PPARG: variants seen among roughly 807,000 people sequenced by gnomAD.
The protein encoded by PPARG is peroxisome proliferator activated receptor gamma.
A neutral mutation model predicts 39.2 loss-of-function variants in PPARG; 17 were observed. The observed-to-expected ratio is 0.43, with a 90% CI of 0.30 to 0.65. PPARG has a LOEUF of 0.65. Among genes scored for constraint, PPARG ranks in the 30% least tolerant of loss-of-function variants. PPARG has a pLI of 0.13. For missense variants in PPARG, 406 were observed against 585.9 expected (o/e 0.69, Z 3.17); for synonymous variants, 223 against 215.7 (o/e 1.03, Z -0.30).
At chr3:12,346,890 C>A (rs1353135572) in intron 2 of PPARG, among the ~76,000 whole-genome samples, 2 of 151,990 alleles carry the variant, frequency 1.3e-5, no homozygotes, top group Non-Finnish European at 2.9e-5. Context: ...CTTGCCTTAG[C>A]CACCCAAAGT....
chr3:12,306,436 G>C (rs924598981), intron 1 of PPARG, among the ~76,000 whole-genome samples: 2 of 152,102 alleles, frequency 1.3e-5, no homozygotes, highest in African/African-American at 4.8e-5. Flanking sequence ...GAAGAAACAG[G>C]AACAGAGAGG....
intron 2 of PPARG, among the ~76,000 whole-genome samples, chr3:12,371,407 C>T (rs1275812708): frequency 1.3e-5 from 2 of 152,180 alleles, no homozygotes; most frequent in African/African-American, 4.8e-5. Context: ...ATAATGCTTA[C>T]TTTATTAGAC....
intron 4 of PPARG, among the ~76,000 whole-genome samples, chr3:12,390,466 A>G (rs2050030527): frequency 6.6e-6 from 1 of 152,116 alleles, no homozygotes; most frequent in Non-Finnish European, 1.5e-5. Flanking sequence ...TGAGTAAATC[A>G]TAGTCTTTCA....
At chr3:12,421,057 C>G (rs1475183854) in intron 7 of PPARG, among the ~76,000 whole-genome samples, 1 of 152,174 alleles carries the variant, frequency 6.6e-6, no homozygotes, top group East Asian at 1.9e-4. Context: ...GCTTTTAATT[C>G]TCATTTCACA....
chr3:12,314,617 G>A (rs1195284651), intron 2 of PPARG, among the ~76,000 whole-genome samples: 1 of 152,092 alleles, frequency 6.6e-6, no homozygotes, highest in Non-Finnish European at 1.5e-5. Context: ...GACCCTCGCC[G>A]TTCAACAGTG....
intron 2 of PPARG, among the ~76,000 whole-genome samples, chr3:12,349,240 G>A (rs1193855510): frequency 6.6e-6 from 1 of 152,114 alleles, no homozygotes; most frequent in African/African-American, 2.4e-5. Context: ...TGAATGATGG[G>A]ATGAATAAAT....
chr3:12,430,206 G>T (rs1559538976), intron 7 of PPARG, among the ~76,000 whole-genome samples: 1 of 152,200 alleles, frequency 6.6e-6, no homozygotes, highest in African/African-American at 2.4e-5. Context: ...CTTCTTCATT[G>T]TGTAGGGATT....
In PPARG at chr3:12,292,855, C is replaced by T. The variant is rs191089935; in HGVS notation, c.-83+3721C>T. 1.4e-3 allele frequency among the ~76,000 whole-genome samples: 208 copies of T among 152,284 alleles called. 5 individuals carry two copies. In the East Asian group the frequency reaches 0.037, roughly 27 times the overall value. ...TGTTGGAGAGGACTTCTCCCACCTTCTCTGGGCCCCAAACTGCACACTGGA... is the reference window on the plus strand; with the variant it reads ...TGTTGGAGAGGACTTCTCCCACCTTTTCTGGGCCCCAAACTGCACACTGGA... On this transcript the variant is annotated intron_variant, in intron 1 of 7. Transcript: ENST00000651735.
chr3:12,296,749 T>C (rs1187897009), intron 1 of PPARG, among the ~76,000 whole-genome samples: 2 of 152,140 alleles, frequency 1.3e-5, no homozygotes, highest in Non-Finnish European at 2.9e-5. Flanking sequence ...GAATCCCTAG[T>C]CTCCGCGTCA....
Position 12,295,266 on chromosome 3 carries a change from G to A in PPARG, c.-83+6132G>A, listed in dbSNP as rs541793809. Reference sequence around the variant, plus strand: ...TATATAAATTCTTCTGTTTTATATGGTGGATAAAGTTTATAAAGGAGAACA... The same window carrying A: ...TATATAAATTCTTCTGTTTTATATGATGGATAAAGTTTATAAAGGAGAACA... On this transcript the variant is annotated intron_variant, in intron 1 of 7. Coordinates refer to ENST00000651735, the MANE Select transcript of PPARG (RefSeq NM_138711.6). Among the ~76,000 whole-genome samples the A allele has an allele frequency of 2.8e-3, 432 of 152,242 alleles. 2 individuals carry two copies. Among genetic ancestry groups the A allele is most frequent in the African/African-American group, 9.6e-3 (399 of 41,518 alleles).
chr3:12,384,010 G>A (rs1368597757), intron 4 of PPARG, among the ~76,000 whole-genome samples: 2 of 152,056 alleles, frequency 1.3e-5, no homozygotes, highest in Non-Finnish European at 2.9e-5. Context: ...TAAGCGTATT[G>A]TATACTAACC....
At chr3:12,330,327 G>C (rs1389625219) in intron 2 of PPARG, among the ~76,000 whole-genome samples, 3 of 133,326 alleles carry the variant, frequency 2.3e-5, no homozygotes, top group Non-Finnish European at 4.8e-5. Context: ...AAAAAAAGCT[G>C]TCCTATTAGG....
intron 1 of PPARG, among the ~76,000 whole-genome samples, chr3:12,298,261 T>C (rs1272194070): frequency 8.8e-6 from 1 of 113,144 alleles, no homozygotes; most frequent in African/African-American, 3.6e-5. Flanking sequence ...ATCCCGCCAC[T>C]GCACTCCAGC....
chr3:12,391,136 TATTA>T, intron 4 of PPARG, among the ~76,000 whole-genome samples: 1 of 152,350 alleles, frequency 6.6e-6, no homozygotes, highest in South Asian at 2.1e-4. Context: ...GTGACATCTG[TATTA>T]ATTCCACAAA....
chr3:12,406,389 C>G, intron 6 of PPARG: 1 of 387,106 alleles, frequency 2.6e-6, no homozygotes. Flanking sequence ...TAGGATCCAT[C>G]TCCTTTCTCG....
At chr3:12,374,614 A>G (rs774553157) in intron 2 of PPARG, among the ~76,000 whole-genome samples, 1 of 152,122 alleles carries the variant, frequency 6.6e-6, no homozygotes, top group Non-Finnish European at 1.5e-5. Context: ...AAAACAAAAC[A>G]AAACAAAAAT....
chr3:12,400,174 T>G (rs2050422914), intron 5 of PPARG, among the ~76,000 whole-genome samples: 1 of 152,176 alleles, frequency 6.6e-6, no homozygotes, highest in Admixed American at 6.5e-5. Flanking sequence ...AAAATAAGAC[T>G]TGTCTTATTT....
At chr3:12,358,752 C>T (rs2048744033) in intron 2 of PPARG, among the ~76,000 whole-genome samples, 1 of 152,182 alleles carries the variant, frequency 6.6e-6, no homozygotes, top group Non-Finnish European at 1.5e-5. Context: ...GCCATTGATA[C>T]AGTCACATTT....
chr3:12,340,900 G>A (rs574997337), intron 2 of PPARG, among the ~76,000 whole-genome samples: 91 of 152,246 alleles, frequency 6.0e-4, no homozygotes, highest in African/African-American at 2.1e-3. Context: ...AAAAGGATTA[G>A]ATGGCTGGGC....
Sources: allele counts gnomAD v4.1 joint callset (sites outside exome capture counted in the v4.1 genomes callset), GRCh38; gene constraint gnomAD v4.1.1; transcripts MANE v1.5; gene names NCBI Gene and HGNC (gene_info 2026-07-23, HGNC 2026-07-21).